The following DDX18 variants were observed in gnomAD, a reference collection of about 807,000 sequenced individuals.
DDX18 encodes the protein DEAD-box helicase 18.
DDX18 carries 23 observed loss-of-function variants against 73.5 expected under a neutral mutation model. The observed-to-expected ratio is 0.31, with a 90% CI of 0.23 to 0.44. The LOEUF (loss-of-function observed/expected upper bound fraction) is 0.44. DDX18 is among the 20% of genes least tolerant of loss of function. The probability of loss-of-function intolerance (pLI) is 1.00; values close to 1 mark genes in which losing one functional copy is unlikely to be tolerated. For synonymous variants in DDX18, 268 were observed against 282.7 expected (o/e 0.95, Z 0.52); for missense variants, 753 against 792.9 (o/e 0.95, Z 0.60).
In DDX18 at chr2:117,822,144, T is replaced by G; in HGVS notation, c.952-3T>G. On this transcript the variant is annotated splice_polypyrimidine_tract_variant and splice_region_variant and intron_variant, in intron 6 of 13. Coordinates refer to ENST00000263239, the MANE Select transcript of DDX18 (RefSeq NM_006773.4). ...GGTTGTTCTTTGTCCTTTGTTTTGT[T>G]AGAATACCCCAGGATTTATGTATAA... 6.2e-7 allele frequency: 1 copy of G among 1,613,922 alleles called. No homozygotes were observed. The highest frequency in any genetic ancestry group is 1.1e-5 in the South Asian group (1 of 91,074).
chr2:117,826,303 G>A lies in DDX18; in HGVS notation c.1556G>A (p.Gly519Asp). ...CATCGTGTGGGTAGAACAGCCAGAG[G>A]CCTAAATGGGAGAGGGCATGCCTTG... ...YIHRVGRTAR[G>D]LNGRGHALLI... Residue 519 changes from glycine (G) to aspartate (D), a missense_variant, in exon 11 of 14, where the codon GGC becomes GAC. Coordinates refer to ENST00000263239, the MANE Select transcript of DDX18 (RefSeq NM_006773.4). 1 of 1,613,986 alleles carries A rather than the reference G, an allele frequency of 6.2e-7. No homozygotes were observed. The highest frequency in any genetic ancestry group is 8.5e-7 in the Non-Finnish European group (1 of 1,179,976).
At chr2:117,825,796 G>A in intron 10 of DDX18, 197 bp downstream of exon 10, 1 of 544,652 alleles carries the variant, frequency 1.8e-6, no homozygotes, top group South Asian at 3.6e-5. Context: ...GGATTGAAAA[G>A]GATCAGTGGG....
intron 1 of DDX18, among the ~76,000 whole-genome samples, chr2:117,816,672 A>G (rs1350119452): frequency 1.3e-5 from 2 of 152,240 alleles, no homozygotes; most frequent in Non-Finnish European, 2.9e-5. Context: ...TAGTAAACAC[A>G]TAAACAAGTA....
At chr2:117,816,355 C>T (rs1162461338) in intron 1 of DDX18, among the ~76,000 whole-genome samples, 1 of 152,180 alleles carries the variant, frequency 6.6e-6, no homozygotes, top group Non-Finnish European at 1.5e-5. Context: ...AACACAAGCA[C>T]ATTGTACATA....
At position 117,828,994 on chromosome 2, in the gene DDX18, A is replaced by G. The variant is rs1264236697; in HGVS notation, c.1681A>G (p.Ile561Val). 1.2e-6 allele frequency: 2 copies of G among 1,612,342 alleles called. No individual in the cohort carries two copies. The highest frequency in any genetic ancestry group is 1.7e-6 in the Non-Finnish European group (2 of 1,178,642). ...CTTTTCCTGGTCTAAAATTTCTGAC[A>G]TTCAGTCTCAGGTATGTGCTTTTTA... ...FDFSWSKISD[I>V]QSQLEKLIEK... Residue 561 changes from isoleucine to valine, a missense_variant, in exon 12 of 14, where the codon ATT becomes GTT. This residue lies in a region of DDX18 where 402 missense variants were observed against 419.4 expected (regional missense o/e 0.96). Coordinates refer to ENST00000263239, the MANE Select transcript of DDX18 (RefSeq NM_006773.4).
At chr2:117,828,914 C>T (rs746888352) in intron 11 of DDX18, 35 bp from the exon 12 acceptor site, 7 of 1,451,152 alleles carry the variant, frequency 4.8e-6, no homozygotes, top group African/African-American at 1.4e-5. Flanking sequence ...TGCTGATCAT[C>T]CTGGTTTACT....
At chr2:117,817,405 C>G in intron 1 of DDX18, 39 bp from the exon 2 acceptor site, 2 of 1,519,358 alleles carry the variant, frequency 1.3e-6, no homozygotes, top group Non-Finnish European at 1.8e-6. Flanking sequence ...GTAAACTTCT[C>G]CTTCTTTGTC....
intron 7 of DDX18, 80 bp downstream of exon 7, chr2:117,822,341 C>A: frequency 8.9e-7 from 1 of 1,121,424 alleles, no homozygotes; most frequent in Non-Finnish European, 1.3e-6. Flanking sequence ...AAAAACTGTA[C>A]TAATGCCAGA....
rs1679784479 is a variant in DDX18, at chr2:117,817,790, C to G, written c.370+62C>G. 1.1e-5 allele frequency: 16 copies of G among 1,489,638 alleles called. No individual in the cohort carries two copies. In the South Asian group the frequency reaches 1.9e-4, roughly 18 times the overall value. 92.3% of individuals were successfully genotyped at this position (1,489,638 alleles called of 1,614,324 possible). A position where few individuals can be genotyped will look rare whatever the true frequency, so the allele number is the denominator to read the frequency against. Reference sequence around the variant, plus strand: ...TTTTTCACAGACGGTTATTGTTCCTCTTTCTATTACTATTGTGTGCACATG... The same window carrying G: ...TTTTTCACAGACGGTTATTGTTCCTGTTTCTATTACTATTGTGTGCACATG... On this transcript the variant is annotated intron_variant, in intron 2 of 13. Transcript: ENST00000263239.
chr2:117,817,788 C>G, intron 2 of DDX18, 60 bp downstream of exon 2: 1 of 1,504,168 alleles, frequency 6.6e-7, no homozygotes, highest in African/African-American at 1.4e-5. Context: ...GTTATTGTTC[C>G]TCTTTCTATT....
rs1414788077 is a variant in DDX18 at position 117,821,171 on chromosome 2, G to A, written c.525G>A (p.Glu175=). The part of the protein sequence containing the change: ...SLPLGLTGAF[E]DTSFASLCNL... ...TTGTCTTCTGTTTAGGAGCTTTTGA[G>A]GATACTTCGTTTGCTTCTCTATGTA... is the stretch of plus-strand genomic sequence containing the variant. Residue 175 remains glutamate (E), a synonymous_variant, in exon 4 of 14, where the codon GAG becomes GAA. Coordinates refer to ENST00000263239, the MANE Select transcript of DDX18 (RefSeq NM_006773.4). 7 of 1,584,996 alleles carry A rather than the reference G, an allele frequency of 4.4e-6. No individual in the cohort carries two copies. The highest frequency in any genetic ancestry group is 6.0e-6 in the Non-Finnish European group (7 of 1,168,594).
chr2:117,828,259 A>C (rs999242389), intron 11 of DDX18: 2 of 152,218 alleles, frequency 1.3e-5, no homozygotes, highest in Non-Finnish European at 2.9e-5. Flanking sequence ...GATCTAATTA[A>C]AGAGCTTCTG....
Position 117,821,657 on chromosome 2 carries a change from C to T in DDX18, c.658C>T (p.Leu220=), listed in dbSNP as rs560115173. The T allele has an allele frequency of 3.7e-6, 6 of 1,613,916 alleles. No individual in the cohort carries two copies. The highest frequency in any genetic ancestry group is 5.1e-6 in the Non-Finnish European group (6 of 1,179,866). ...IRPLLEGRDL[L]AAAKTGSGKT... ...TCCCTTTTTAATATTTAGGGATCTT[C>T]TAGCAGCTGCAAAAACAGGCAGTGG... Residue 220 remains leucine (L), a synonymous_variant, in exon 5 of 14, where the codon CTA becomes TTA. Transcript: ENST00000263239.
In DDX18 at chr2:117,814,781, T is replaced by A; in HGVS notation, c.4T>A (p.Ser2Thr). The A allele has an allele frequency of 6.2e-7, 1 of 1,614,192 alleles. No homozygotes were observed. Among genetic ancestry groups the A allele is most frequent in the South Asian group, 1.1e-5 (1 of 91,084 alleles). M[S>T]HLPMKLLRKK... ...TTCTAGGCACTTGTTGGGCAGAATG[T>A]CACACCTGCCGATGAAACTCCTGCG... Residue 2 changes from serine to threonine, a missense_variant, in exon 1 of 14, where the codon TCA (serine) becomes ACA (threonine). Ser to Thr is a moderately conservative substitution (Grantham distance 58, BLOSUM62 1). This residue lies in a region of DDX18 where 345 missense variants were observed against 352.0 expected (regional missense o/e 0.98). Coordinates refer to ENST00000263239, the MANE Select transcript of DDX18 (RefSeq NM_006773.4).
Position 117,826,253 on chromosome 2 carries a change from T to C in DDX18, c.1522-16T>C. On this transcript the variant is annotated splice_polypyrimidine_tract_variant and intron_variant, in intron 10 of 13. Transcript: ENST00000263239. ...GAAGTCACTGCGTTAACTCAGATTT[T>C]CTTTCTCCACCAAAGGAATATATTC... 6.2e-7 allele frequency: 1 copy of C among 1,609,284 alleles called. No homozygotes were observed. Among genetic ancestry groups the C allele is most frequent in the Non-Finnish European group, 8.5e-7 (1 of 1,176,842 alleles).
At chr2:117,828,033 A>T (rs529798557) in intron 11 of DDX18, 1 of 152,258 alleles carries the variant, frequency 6.6e-6, no homozygotes, top group Admixed American at 6.5e-5. Context: ...CTGGTGTGAG[A>T]TGGTATCTCA....
intron 11 of DDX18, chr2:117,826,984 A>T (rs1427723330): frequency 6.5e-6 from 1 of 153,922 alleles, no homozygotes; most frequent in Non-Finnish European, 1.4e-5. Context: ...CCTCCCTCTC[A>T]GTCCCTAACC....
At chr2:117,824,859 C>A in intron 8 of DDX18, 81 bp from the exon 9 acceptor site, 1 of 1,506,434 alleles carries the variant, frequency 6.6e-7, no homozygotes, top group Non-Finnish European at 8.9e-7. Flanking sequence ...TTTATCAGTG[C>A]TCTTGATGAA....
chr2:117,827,357 C>T lies in DDX18; in HGVS notation c.1635+975C>T, dbSNP rs1253143757. The T allele has an allele frequency of 3.9e-5, 6 of 152,248 alleles. No individual in the cohort carries two copies. In the East Asian group the frequency reaches 1.2e-3, roughly 29 times the overall value. The allele number at this position is 152,248 out of a possible 1,614,324, so 9.4% of individuals were successfully genotyped here. On this transcript the variant is annotated intron_variant, in intron 11 of 13. Transcript: ENST00000263239. ...TCTTTCTTTTTTTATTATTATTACA[C>T]TTTAAGTTCTAGGGTACATGTGCAC...
Sources: gnomAD v4.1 joint callset for allele counts (sites outside exome capture counted in the v4.1 genomes callset) on GRCh38, gnomAD v4.1.1 for gene constraint, gnomAD v4.1.1 regional missense constraint, MANE v1.5 for transcripts, NCBI Gene and HGNC (gene_info 2026-07-23, HGNC 2026-07-21) for gene names.